The following DYNC2H1 variants were observed in gnomAD, a reference collection of about 807,000 sequenced individuals.
DYNC2H1 encodes dynein cytoplasmic 2 heavy chain 1.
DYNC2H1 carries 410 observed loss-of-function variants against 570.0 expected under a neutral mutation model. The ratio of observed to expected loss-of-function variants is 0.72; its 90% confidence interval spans 0.66 to 0.78. The LOEUF (loss-of-function observed/expected upper bound fraction) is 0.78. Among genes scored for constraint, DYNC2H1 ranks in the 30% least tolerant of loss-of-function variants. DYNC2H1 has a pLI of 0.00. For missense variants in DYNC2H1, 4,865 were observed against 5,046.4 expected (o/e 0.96, Z 1.09); for synonymous variants, 1,688 against 1,677.6 (o/e 1.01, Z -0.15).
At chr11:103,182,693 T>C (rs1206446436) in intron 40 of DYNC2H1, among the ~76,000 whole-genome samples, 2 of 151,928 alleles carry the variant, frequency 1.3e-5, no homozygotes, top group African/African-American at 2.4e-5. Flanking sequence ...TCAGATATTC[T>C]ACATGTTTAT....
intron 77 of DYNC2H1, among the ~76,000 whole-genome samples, chr11:103,307,351 GCTAACACTTACTTT>G (rs1867340603): frequency 6.6e-6 from 1 of 152,096 alleles, no homozygotes; most frequent in African/African-American, 2.4e-5. Flanking sequence ...AGCAATTGTA[GCTAACACTTACTTT>G]GAACTTACTA....
chr11:103,416,845 C>T (rs1943301774), intron 84 of DYNC2H1, among the ~76,000 whole-genome samples: 1 of 152,054 alleles, frequency 6.6e-6, no homozygotes, highest in African/African-American at 2.4e-5. Flanking sequence ...GAACAGACAA[C>T]CTATAGAATG....
intron 63 of DYNC2H1, 103 bp downstream of exon 63, chr11:103,236,642 C>G (rs2135201919): frequency 1.8e-6 from 1 of 568,968 alleles, no homozygotes; most frequent in Admixed American, 3.5e-5. Flanking sequence ...TTACCCTTTT[C>G]TTACTAAAAT....
At chr11:103,192,455 G>A (rs1411794600) in intron 47 of DYNC2H1, among the ~76,000 whole-genome samples, 191 bp downstream of exon 47, 1 of 151,822 alleles carries the variant, frequency 6.6e-6, no homozygotes, top group Non-Finnish European at 1.5e-5. Context: ...AAATATAATG[G>A]CAATTATTTT....
In DYNC2H1 at chr11:103,371,927, GTTTTTTTTTTTT is replaced by G. The variant is rs60335910; in HGVS notation, c.12156+13582_12156+13593del. On this transcript the variant is annotated intron_variant, in intron 83 of 88. Transcript: ENST00000375735. ...TTTGGTTTCTTCCTTTCCCATTTGGGTTTTTTTTTTTTTTTTTTTTTTTTTGTCTTGCCTAAT... is the reference window on the plus strand; with the variant it reads ...TTTGGTTTCTTCCTTTCCCATTTGGGTTTTTTTTTTTTTGTCTTGCCTAAT... Among the ~76,000 whole-genome samples, 40 of 67,898 alleles carry G rather than the reference GTTTTTTTTTTTT, an allele frequency of 5.9e-4. No individual in the cohort carries two copies. In the East Asian group the frequency reaches 0.019, roughly 32 times the overall value. The allele number at this position is 67,898 out of a possible 152,430, so 44.5% of individuals were successfully genotyped here.
chr11:103,121,128 C>T, intron 9 of DYNC2H1, 92 bp downstream of exon 9: 1 of 927,994 alleles, frequency 1.1e-6, no homozygotes, highest in Non-Finnish European at 1.5e-6. Context: ...ATTAAAGATA[C>T]ATTTTTCTGA....
chr11:103,411,116 C>T (rs1295623502), intron 84 of DYNC2H1, among the ~76,000 whole-genome samples: 5 of 152,068 alleles, frequency 3.3e-5, no homozygotes, highest in Admixed American at 1.3e-4. Context: ...AATTAAGCTA[C>T]ATTAACTGCA....
chr11:103,138,177 G>A (rs1379511186), intron 17 of DYNC2H1, among the ~76,000 whole-genome samples: 2 of 151,942 alleles, frequency 1.3e-5, no homozygotes, highest in African/African-American at 4.8e-5. Context: ...CTGCAAACAG[G>A]GACAATTTGA....
At chr11:103,247,885 C>A (rs1181333395) in intron 65 of DYNC2H1, among the ~76,000 whole-genome samples, 3 of 151,948 alleles carry the variant, frequency 2.0e-5, no homozygotes, top group Non-Finnish European at 4.4e-5. Flanking sequence ...TTGTAGATAT[C>A]TGTAATTTGG....
chr11:103,233,305 T>C (rs1591448128), intron 60 of DYNC2H1, among the ~76,000 whole-genome samples: 1 of 132,652 alleles, frequency 7.5e-6, no homozygotes, highest in South Asian at 2.4e-4. Context: ...TTTTTTTTTT[T>C]TGATGCTTGG....
intron 84 of DYNC2H1, among the ~76,000 whole-genome samples, chr11:103,430,864 C>G (rs1159934453): frequency 6.6e-6 from 1 of 152,158 alleles, no homozygotes; most frequent in Non-Finnish European, 1.5e-5. Flanking sequence ...TTGATATACT[C>G]TACCTTCGTG....
chr11:103,199,105 G>A lies in DYNC2H1; in HGVS notation c.7840-123G>A, dbSNP rs575505852. 8 of 606,622 alleles carry A rather than the reference G, an allele frequency of 1.3e-5. No homozygotes were observed. Among genetic ancestry groups the A allele is most frequent in the African/African-American group, 7.4e-5 (4 of 54,000 alleles). 37.6% of individuals were successfully genotyped at this position (606,622 alleles called of 1,614,324 possible). On this transcript the variant is annotated intron_variant, in intron 48 of 88. Transcript: ENST00000375735. The surrounding 1 kb of genome is among the most constrained non-coding windows in gnomAD (Gnocchi z 4.6). Reference sequence around the variant, plus strand: ...TAAAATATTGAGTGTGAGATGATATGTAGTCACTTTACTTTTTTTCTTGAA... The same window carrying A: ...TAAAATATTGAGTGTGAGATGATATATAGTCACTTTACTTTTTTTCTTGAA...
In DYNC2H1 at chr11:103,123,018, A is replaced by G; in HGVS notation, c.1661+18A>G. 1 of 1,341,666 alleles carries G rather than the reference A, an allele frequency of 7.5e-7. No individual in the cohort carries two copies. The highest frequency in any genetic ancestry group is 9.7e-7 in the Non-Finnish European group (1 of 1,033,788). The allele number at this position is 1,341,666 out of a possible 1,614,324, so 83.1% of individuals were successfully genotyped here. On this transcript the variant is annotated intron_variant, in intron 11 of 88. Coordinates refer to ENST00000375735, the MANE Select transcript of DYNC2H1 (RefSeq NM_001377.3). The stretch of plus-strand genomic sequence containing the variant: ...GGTTTGTGGTAAGTATAGATATATT[A>G]AACTGTAAAATCCAAAACCATATGT...
chr11:103,433,252 A>G (rs1200603930), intron 84 of DYNC2H1, among the ~76,000 whole-genome samples: 1 of 152,142 alleles, frequency 6.6e-6, no homozygotes, highest in Non-Finnish European at 1.5e-5. Context: ...TGTAAGCTCC[A>G]TAATAGCAAG....
chr11:103,219,764 G>T (rs1290644564), intron 55 of DYNC2H1, 151 bp from the exon 56 acceptor site: 6 of 490,388 alleles, frequency 1.2e-5, no homozygotes, highest in African/African-American at 4.1e-5. Flanking sequence ...GGTTTCCCAG[G>T]CATTTTGGAA....
intron 85 of DYNC2H1, among the ~76,000 whole-genome samples, chr11:103,451,014 T>A (rs1944578848): frequency 6.6e-6 from 1 of 152,310 alleles, no homozygotes; most frequent in Non-Finnish European, 1.5e-5. Flanking sequence ...CAATACCAGT[T>A]ATTGGCTGTG....
Position 103,253,341 on chromosome 11 carries a change from C to G in DYNC2H1, c.10099C>G (p.Arg3367Gly). 1 of 1,613,028 alleles carries G rather than the reference C, an allele frequency of 6.2e-7. No homozygotes were observed. Among genetic ancestry groups the G allele is most frequent in the Non-Finnish European group, 8.5e-7 (1 of 1,179,382 alleles). The change falls in exon 66 of 89, where the codon CGC becomes GGC. Residue 3367 changes from arginine to glycine, a missense_variant. Physicochemically the swap from Arg to Gly is moderately radical, Grantham distance 125 (BLOSUM62 -2). This residue lies in a region of DYNC2H1 where 2,401 missense variants were observed against 2,454.6 expected (regional missense o/e 0.98). Coordinates refer to ENST00000375735, the MANE Select transcript of DYNC2H1 (RefSeq NM_001377.3). ...AATTATTGACTACAATGAAGAATTCCGCCTCTTTTTGTCAACAAGAAACCC... is the reference window on the plus strand; with the variant it reads ...AATTATTGACTACAATGAAGAATTCGGCCTCTTTTTGTCAACAAGAAACCC... ...DKIIDYNEEF[R>G]LFLSTRNPNP...
intron 65 of DYNC2H1, among the ~76,000 whole-genome samples, chr11:103,251,443 A>G (rs1250361354): frequency 6.6e-6 from 1 of 152,132 alleles, no homozygotes; most frequent in Non-Finnish European, 1.5e-5. Flanking sequence ...GATTTACAGC[A>G]TTATATTATG....
intron 79 of DYNC2H1, among the ~76,000 whole-genome samples, chr11:103,314,735 T>G (rs1937717045): frequency 6.6e-6 from 1 of 151,830 alleles, no homozygotes; most frequent in African/African-American, 2.4e-5. Context: ...GTAGACAAAA[T>G]ATATATACCT....
Sources: gnomAD v4.1 joint callset for allele counts (sites outside exome capture counted in the v4.1 genomes callset) on GRCh38, gnomAD v4.1.1 for gene constraint, gnomAD v4.1.1 regional missense constraint, Gnocchi (gnomAD v3.1) non-coding constraint, MANE v1.5 for transcripts, NCBI Gene and HGNC (gene_info 2026-07-23, HGNC 2026-07-21) for gene names.